Variants in SCML4 observed in about 807,000 individuals in gnomAD.
The protein encoded by SCML4 is sex comb on midleg-like protein 4.
A neutral mutation model predicts 41.1 loss-of-function variants in SCML4; 34 were observed. The observed-to-expected ratio is 0.83, with a 90% CI of 0.63 to 1.10. The LOEUF is 1.10. SCML4 is among the 50% of genes least tolerant of loss of function. The pLI is 0.00. For synonymous variants in SCML4, 214 were observed against 220.9 expected, an observed-to-expected ratio of 0.97 and a Z score of 0.28; for missense variants, 522 against 534.1, an observed-to-expected ratio of 0.98 and a Z score of 0.22.
At position 107,744,872 on chromosome 6, in the gene SCML4, C is replaced by A. The variant is rs79314211; in HGVS notation, c.682+77G>T. 5,128 of 1,212,944 alleles carry A rather than the reference C, an allele frequency of 4.2e-3. 97 individuals are homozygous for A. In the East Asian group the frequency reaches 0.06, roughly 14 times the overall value. The allele number at this position is 1,212,944 out of a possible 1,614,324, so 75.1% of individuals were successfully genotyped here. On this transcript the variant is annotated intron_variant, in intron 5 of 7. Transcript: ENST00000369020. ...AGAACTGCCAGGAGCTACAATGGCT[C>A]CCTCCATAGTGGAAGGGCAGAGACA...
At chr6:107,716,544 G>T (rs1228239096) in intron 6 of SCML4, among the ~76,000 whole-genome samples, 3 of 152,106 alleles carry the variant, frequency 2.0e-5, no homozygotes, top group Non-Finnish European at 4.4e-5. Flanking sequence ...GCCCCCCTTT[G>T]CCAGGGCTGT....
At chr6:107,746,987 T>A in intron 3 of SCML4, 98 bp from the exon 4 acceptor site, 2 of 1,008,890 alleles carry the variant, frequency 2.0e-6, no homozygotes, top group Non-Finnish European at 2.9e-6. Context: ...CATGCCCCTT[T>A]GGCCCTGGCC....
At chr6:107,812,762 T>A (rs983125092) in intron 1 of SCML4, among the ~76,000 whole-genome samples, 2 of 152,094 alleles carry the variant, frequency 1.3e-5, no homozygotes, top group African/African-American at 4.8e-5. Flanking sequence ...GCTTTTGAAC[T>A]GAATTATACC....
chr6:107,804,407 A>T (rs533601338), intron 1 of SCML4, among the ~76,000 whole-genome samples: 1 of 152,140 alleles, frequency 6.6e-6, no homozygotes, highest in Admixed American at 6.5e-5. Context: ...CTCCATTCTC[A>T]ATTTTAATTT....
intron 2 of SCML4, among the ~76,000 whole-genome samples, chr6:107,761,010 A>AC (rs1415642756): frequency 6.6e-6 from 1 of 152,240 alleles, no homozygotes; most frequent in East Asian, 1.9e-4. Context: ...TAAATAGAAA[A>AC]TTAATGAGCT....
At chr6:107,839,138 C>T in the SCML4 span, among the ~76,000 whole-genome samples, 53 of 151,692 alleles carry the variant, frequency 3.5e-4, no homozygotes, top group African/African-American at 1.3e-3. Context: ...TACAAAAATA[C>T]AAAAATGAGC....
intron 1 of SCML4, among the ~76,000 whole-genome samples, chr6:107,782,811 C>G (rs546424547): frequency 7.1e-6 from 1 of 141,312 alleles, no homozygotes; most frequent in South Asian, 2.5e-4. Context: ...ATGGGAGGTG[C>G]TGGTCTGAGT....
chr6:107,776,395 A>G (rs532005822), intron 1 of SCML4, among the ~76,000 whole-genome samples: 2 of 152,240 alleles, frequency 1.3e-5, no homozygotes, highest in African/African-American at 4.8e-5. Context: ...CACTCACCCA[A>G]TACACACAGT....
intron 2 of SCML4, among the ~76,000 whole-genome samples, chr6:107,769,587 G>C (rs966275873): frequency 1.2e-4 from 19 of 152,150 alleles, no homozygotes; most frequent in African/African-American, 4.1e-4. Context: ...CTGGAGAAGA[G>C]CCTGCCAAAG....
rs141903213 is a variant in SCML4 at position 107,751,856 on chromosome 6, A to G, written c.157-2043T>C. Among the ~76,000 whole-genome samples, 751 of 152,122 alleles carry G rather than the reference A, an allele frequency of 4.9e-3. 11 individuals carry two copies. In the East Asian group the frequency reaches 0.063, roughly 13 times the overall value. On this transcript the variant is annotated intron_variant, in intron 2 of 7. Transcript: ENST00000369020. ...TCACCATGTTGGCCAGGCTGATCTC[A>G]AACTCTTGACCTCATGATCTGCCTG...
chr6:107,773,299 A>T (rs1159901468), intron 1 of SCML4, among the ~76,000 whole-genome samples: 1 of 152,140 alleles, frequency 6.6e-6, no homozygotes. Context: ...TATGAATAAT[A>T]AGGCCGGGCA....
At chr6:107,808,004 G>A (rs762010220) in intron 1 of SCML4, among the ~76,000 whole-genome samples, 5 of 152,272 alleles carry the variant, frequency 3.3e-5, no homozygotes, top group East Asian at 1.9e-4. Context: ...CACTGATCAC[G>A]TTGTTCTAAA....
At chr6:107,799,908 T>A (rs917485612) in intron 1 of SCML4, among the ~76,000 whole-genome samples, 1 of 152,142 alleles carries the variant, frequency 6.6e-6, no homozygotes, top group Non-Finnish European at 1.5e-5. Context: ...TTAAAATAGT[T>A]GTTTTAAAGC....
intron 2 of SCML4, among the ~76,000 whole-genome samples, chr6:107,769,122 G>A (rs1180304968): frequency 2.6e-5 from 4 of 152,190 alleles, no homozygotes; most frequent in Admixed American, 2.6e-4. Flanking sequence ...GGTAGTCAGA[G>A]TGTGGCTCTT....
intron 1 of SCML4, among the ~76,000 whole-genome samples, chr6:107,782,561 C>T (rs2139082): frequency 0.42 from 64,689 of 152,210 alleles, 14,485 homozygotes; most frequent in African/African-American, 0.54. Context: ...TCTTCTCCTG[C>T]TCTTCTCTGC....
chr6:107,798,815 G>A (rs533466778), intron 1 of SCML4, among the ~76,000 whole-genome samples: 29 of 152,040 alleles, frequency 1.9e-4, no homozygotes, highest in African/African-American at 6.5e-4. Flanking sequence ...TCATCAGTTC[G>A]AAATATTTTC....
intron 5 of SCML4, among the ~76,000 whole-genome samples, chr6:107,730,922 C>G (rs1776473105): frequency 6.6e-6 from 1 of 152,166 alleles, no homozygotes; most frequent in Non-Finnish European, 1.5e-5. Context: ...GGTTCTGAGT[C>G]CAGAGTGTGT....
At chr6:107,717,189 A>G (rs7770121) in intron 6 of SCML4, among the ~76,000 whole-genome samples, 73,022 of 117,620 alleles carry the variant, frequency 0.62, 24,664 homozygotes, top group Middle Eastern at 0.7. Context: ...GTGTGGTGGC[A>G]GGCACCTGTA....
At chr6:107,796,074 C>T (rs987837437) in intron 1 of SCML4, among the ~76,000 whole-genome samples, 1 of 152,112 alleles carries the variant, frequency 6.6e-6, no homozygotes, top group Non-Finnish European at 1.5e-5. Context: ...AATTCATTCA[C>T]CTGTTGATGG....
Sources: gnomAD v4.1 joint callset for allele counts (sites outside exome capture counted in the v4.1 genomes callset) on GRCh38, gnomAD v4.1.1 for gene constraint, MANE v1.5 for transcripts, NCBI Gene and HGNC (gene_info 2026-07-23, HGNC 2026-07-21) for gene names.